The following GALNT13 variants were observed in gnomAD, a reference collection of about 807,000 sequenced individuals.
GALNT13 encodes polypeptide N-acetylgalactosaminyltransferase 13.
A neutral mutation model predicts 64.2 loss-of-function variants in GALNT13; 28 were observed. The ratio of observed to expected loss-of-function variants is 0.44; its 90% CI spans 0.32 to 0.60. The LOEUF (loss-of-function observed/expected upper bound fraction) is 0.60, where lower values mean the gene tolerates loss of function less well. Ranked by LOEUF, GALNT13 falls within the 20% of genes least tolerant of loss-of-function variation. The pLI is 0.05. For synonymous variants in GALNT13, 214 were observed against 224.6 expected (o/e 0.95, Z 0.42); for missense variants, 577 against 669.8 (o/e 0.86, Z 1.53).
At chr2:153,882,182 G>C (rs1043905169) in intron 1 of GALNT13, among the ~76,000 whole-genome samples, 1 of 150,470 alleles carries the variant, frequency 6.6e-6, no homozygotes, top group East Asian at 2.0e-4. Flanking sequence ...AATGTAGGGG[G>C]GGGTCGAGGC....
chr2:153,824,018 C>T, the GALNT13 span, among the ~76,000 whole-genome samples: 2 of 152,256 alleles, frequency 1.3e-5, no homozygotes, highest in East Asian at 1.9e-4. Context: ...GAAAAGAATG[C>T]TCCACATCAC....
At chr2:154,155,665 G>T (rs950831601) in intron 4 of GALNT13, among the ~76,000 whole-genome samples, 1 of 151,950 alleles carries the variant, frequency 6.6e-6, no homozygotes, top group Non-Finnish European at 1.5e-5. Context: ...AATTCTCATT[G>T]TATATTATAA....
rs182928270 is a variant in GALNT13 at position 154,143,809 on chromosome 2, C to T, written c.311+3304C>T. 2.0e-3 allele frequency among the ~76,000 whole-genome samples: 281 copies of T among 138,972 alleles called. 1 individual carries two copies. The highest frequency in any genetic ancestry group is 6.8e-3 in the African/African-American group (249 of 36,824). The allele number at this position is 138,972 out of a possible 152,430, so 91.2% of individuals were successfully genotyped here. A position where few individuals can be genotyped will look rare whatever the true frequency, so the allele number is the denominator to read the frequency against. ...CCAGGAGGCAGAGGTTGCAGTGAGC[C>T]GTGATTGTGCCACTGCACTCCAGCC... is the stretch of plus-strand genomic sequence containing the variant. On this transcript the variant is annotated intron_variant, in intron 4 of 12. Transcript: ENST00000392825.
At chr2:153,556,938 C>T in the GALNT13 span, among the ~76,000 whole-genome samples, 1 of 152,184 alleles carries the variant, frequency 6.6e-6, no homozygotes, top group Admixed American at 6.5e-5. Context: ...GCCCACCTAA[C>T]ATTTCCAATA....
At chr2:153,245,557 C>A in the GALNT13 span, among the ~76,000 whole-genome samples, 1 of 151,936 alleles carries the variant, frequency 6.6e-6, no homozygotes, top group South Asian at 2.1e-4. Context: ...CCTGACTGTT[C>A]GAAAAAAACT....
the GALNT13 span, among the ~76,000 whole-genome samples, chr2:153,767,114 A>T: frequency 6.6e-6 from 1 of 152,112 alleles, no homozygotes; most frequent in Non-Finnish European, 1.5e-5. Context: ...ATTACTTTGG[A>T]GTCCCTAGTG....
rs1024604720 is a variant in GALNT13 at position 154,298,650 on chromosome 2, G to C, written c.976-2759G>C. Among the ~76,000 whole-genome samples the C allele has an allele frequency of 1.7e-4, 12 of 69,602 alleles. 5 individuals are homozygous for C. The highest frequency in any genetic ancestry group is 5.3e-4 in the African/African-American group (10 of 18,920). The allele number at this position is 69,602 out of a possible 152,430, so 45.7% of individuals were successfully genotyped here. A position where few individuals can be genotyped will look rare whatever the true frequency, so the allele number is the denominator to read the frequency against. ...TGTATATATAATTTATATATACATT[G>C]TATATACAATTTATATATACATTGT... On this transcript the variant is annotated intron_variant, in intron 8 of 12. Transcript: ENST00000392825.
chr2:154,398,515 A>AC (rs35215009), intron 10 of GALNT13, among the ~76,000 whole-genome samples: 52,275 of 152,082 alleles, frequency 0.34, 9,419 homozygotes, highest in African/African-American at 0.45. Context: ...GCTATCTTCT[A>AC]AATGGATCAG....
At chr2:153,577,207 T>G in the GALNT13 span, among the ~76,000 whole-genome samples, 1 of 152,180 alleles carries the variant, frequency 6.6e-6, no homozygotes, top group Admixed American at 6.5e-5. Context: ...ATGTTTAAGG[T>G]ATAAATTATT....
intron 3 of GALNT13, among the ~76,000 whole-genome samples, chr2:154,034,540 G>T (rs1283074000): frequency 6.9e-6 from 1 of 144,406 alleles, no homozygotes; most frequent in Non-Finnish European, 1.5e-5. Context: ...CACTTGAATA[G>T]TGTACGTCGT....
At chr2:153,355,779 G>T in the GALNT13 span, among the ~76,000 whole-genome samples, 1 of 152,130 alleles carries the variant, frequency 6.6e-6, no homozygotes, top group African/African-American at 2.4e-5. Context: ...GTTTTCATGA[G>T]GATCAAATGA....
chr2:154,109,460 CT>C lies in GALNT13; in HGVS notation c.143-30867del, dbSNP rs201236059. Among the ~76,000 whole-genome samples, 1,096 of 149,634 alleles carry C rather than the reference CT, an allele frequency of 7.3e-3. 6 individuals are homozygous for C. The highest frequency in any genetic ancestry group is 0.021 in the Middle Eastern group (6 of 288). On this transcript the variant is annotated intron_variant, in intron 3 of 12. Coordinates refer to ENST00000392825, the MANE Select transcript of GALNT13 (RefSeq NM_052917.4). ...ACTTCTTCCTTTTCTATTCAGATGA[CT>C]TTTTTTTTTCTCTTATCTTATTGCT... is the stretch of plus-strand genomic sequence containing the variant.
intron 3 of GALNT13, among the ~76,000 whole-genome samples, chr2:154,086,170 C>A (rs2105426879): frequency 6.8e-6 from 1 of 147,834 alleles, no homozygotes; most frequent in East Asian, 2.0e-4. Context: ...ACATATAATA[C>A]ATTTACATAT....
the GALNT13 span, among the ~76,000 whole-genome samples, chr2:153,687,323 G>A: frequency 4.0e-5 from 6 of 151,172 alleles, no homozygotes; most frequent in South Asian, 2.1e-4. Context: ...TTCAGAGCTC[G>A]TTATTGGTCT....
At chr2:154,023,160 T>C (rs531804892) in intron 3 of GALNT13, among the ~76,000 whole-genome samples, 3 of 152,318 alleles carry the variant, frequency 2.0e-5, no homozygotes, top group African/African-American at 7.2e-5. Flanking sequence ...GAAAAGAATG[T>C]ATATTCTGTT....
the GALNT13 span, among the ~76,000 whole-genome samples, chr2:153,463,783 T>G: frequency 1.3e-5 from 2 of 152,096 alleles, no homozygotes; most frequent in African/African-American, 4.8e-5. Flanking sequence ...ATTCTGGCTG[T>G]TCTAAATACC....
chr2:153,086,520 T>G, the GALNT13 span, among the ~76,000 whole-genome samples: 12 of 152,106 alleles, frequency 7.9e-5, no homozygotes, highest in Non-Finnish European at 1.8e-4. Flanking sequence ...CTGCACACAG[T>G]CTCTTGCCTG....
At chr2:154,382,126 T>C (rs1488651101) in intron 9 of GALNT13, among the ~76,000 whole-genome samples, 1 of 152,100 alleles carries the variant, frequency 6.6e-6, no homozygotes, top group East Asian at 1.9e-4. Context: ...TTTCAAGATG[T>C]TGGCATCCTG....
At chr2:154,321,790 C>T (rs4664733) in intron 9 of GALNT13, among the ~76,000 whole-genome samples, 151,461 of 152,272 alleles carry the variant, frequency 0.99, 75,331 homozygotes, top group Middle Eastern at 1. Flanking sequence ...GTGTGTATAT[C>T]GTATTATGTT....
Sources: allele counts gnomAD v4.1 joint callset (sites outside exome capture counted in the v4.1 genomes callset), GRCh38; gene constraint gnomAD v4.1.1; transcripts MANE v1.5; gene names NCBI Gene and HGNC (gene_info 2026-07-23, HGNC 2026-07-21).